The following TH variants were observed in gnomAD, a reference collection of about 807,000 sequenced individuals.
TH encodes the protein tyrosine hydroxylase.
A neutral mutation model predicts 57.4 loss-of-function variants in TH; 49 were observed. The ratio of observed to expected loss-of-function variants is 0.85; its 90% CI spans 0.68 to 1.08. The LOEUF is 1.08. TH is among the 50% of genes least tolerant of loss of function. The probability of loss-of-function intolerance (pLI) is 0.00; values close to 1 mark genes in which losing one functional copy is unlikely to be tolerated. For synonymous variants in TH, 330 were observed against 304.5 expected, an observed-to-expected ratio of 1.08 and a Z score of -0.87; for missense variants, 720 against 696.7, an observed-to-expected ratio of 1.03 and a Z score of -0.38.
At position 2,166,494 on chromosome 11, in the gene TH, C is replaced by T; in HGVS notation, c.1033G>A (p.Ala345Thr). The T allele has an allele frequency of 6.3e-7, 1 of 1,593,278 alleles. No individual in the cohort carries two copies. Among genetic ancestry groups the T allele is most frequent in the Non-Finnish European group, 8.5e-7 (1 of 1,175,494 alleles). ...HVPMLADRTF[A>T]QFSQDIGLAS... Reference sequence around the variant, plus strand: ...CCGCGGCGTACCTGCGAGAACTGCGCGAAGGTGCGGTCGGCCAGCATGGGC... The same window carrying T: ...CCGCGGCGTACCTGCGAGAACTGCGTGAAGGTGCGGTCGGCCAGCATGGGC... Residue 345 changes from alanine (A) to threonine (T), a missense_variant, in exon 9 of 13, where the codon GCG (alanine) becomes ACG (threonine). Physicochemically the swap from Ala to Thr is moderately conservative, Grantham distance 58. Transcript: ENST00000352909.
At chr11:2,166,303 G>T in intron 9 of TH, 177 bp downstream of exon 9, 1 of 978,314 alleles carries the variant, frequency 1.0e-6, no homozygotes, top group Admixed American at 2.6e-5. Flanking sequence ...AGCACAGGCC[G>T]TGGGAGGCTC....
intron 10 of TH, 41 bp downstream of exon 10, chr11:2,165,961 C>G (rs1200942771): frequency 6.4e-7 from 1 of 1,551,126 alleles, no homozygotes; most frequent in Non-Finnish European, 8.7e-7. Context: ...TTCAGACCCC[C>G]AAACCCACAC....
At chr11:2,164,453 G>A (rs945283218) in intron 12 of TH, 61 bp from the exon 13 acceptor site, 15 of 1,533,486 alleles carry the variant, frequency 9.8e-6, no homozygotes, top group Non-Finnish European at 1.1e-5. Flanking sequence ...GCCTCCAGGA[G>A]AGGGGAGGCC....
chr11:2,168,616 G>A lies in TH; in HGVS notation c.362C>T (p.Pro121Leu), dbSNP rs760017478. 52 of 1,611,840 alleles carry A rather than the reference G, an allele frequency of 3.2e-5. No individual in the cohort carries two copies. In the Admixed American group the frequency reaches 6.5e-4, roughly 20 times the overall value. The change falls in exon 3 of 13, where the codon CCG becomes CTG. Residue 121 changes from proline to leucine, a missense_variant. Physicochemically the swap from Pro to Leu is moderately conservative, Grantham distance 98 (BLOSUM62 -3). Transcript: ENST00000352909. ...HHLETRPAQR[P>L]RAGGPHLEYF... ...CTCCAGGTGGGGGCCCCCAGCTCGC[G>A]GCCTCTGGGCGGGCCGGGTCTCTAG...
Position 2,164,009 on chromosome 11 carries a change from C to T in TH, c.*224G>A, listed in dbSNP as rs1441654110. 2.5e-6 allele frequency: 1 copy of T among 396,980 alleles called. No individual in the cohort carries two copies. The highest frequency in any genetic ancestry group is 4.4e-5 in the Admixed American group (1 of 22,822). The allele number at this position is 396,980 out of a possible 1,614,324, so 24.6% of individuals were successfully genotyped here. On this transcript the variant is annotated 3_prime_UTR_variant, in exon 13 of 13. Transcript: ENST00000352909. The stretch of plus-strand genomic sequence containing the variant: ...GGAAGGGCGGAGGGCAGTGCAGCAG[C>T]CCCCAGGACCCTGGGAGCCAGGACA...
At position 2,166,906 on chromosome 11, in the gene TH, G is replaced by C. The variant is rs776737582; in HGVS notation, c.822C>G (p.Asp274Glu). 1.2e-6 allele frequency: 2 copies of C among 1,604,926 alleles called. No homozygotes were observed. The highest frequency in any genetic ancestry group is 1.7e-6 in the Non-Finnish European group (2 of 1,176,838). Residue 274 changes from aspartate (D) to glutamate (E), a missense_variant, in exon 7 of 13, where the codon GAC (aspartate) becomes GAG (glutamate). By Grantham distance (45) the Asp-to-Glu change is conservative (BLOSUM62 2). Transcript: ENST00000352909. ...YREDNIPQLE[D>E]VSRFLKERTG... Reference sequence around the variant, plus strand: ...GCACACCCTTCAGGAAGCGGGAGACGTCCTCCAGCTGGGGGATATTGTCTT... The same window carrying C: ...GCACACCCTTCAGGAAGCGGGAGACCTCCTCCAGCTGGGGGATATTGTCTT...
rs1564918085 is a variant in TH at position 2,166,902 on chromosome 11, A to C, written c.826T>G (p.Ser276Ala). ...EDNIPQLEDV[S>A]RFLKERTGFQ... ...CTGGGCACACCCTTCAGGAAGCGGG[A>C]GACGTCCTCCAGCTGGGGGATATTG... is the stretch of plus-strand genomic sequence containing the variant. Residue 276 changes from serine (S) to alanine (A), a missense_variant, in exon 7 of 13, where the codon TCC (serine) becomes GCC (alanine). Coordinates refer to ENST00000352909, the MANE Select transcript of TH (RefSeq NM_000360.4). 2 of 1,605,212 alleles carry C rather than the reference A, an allele frequency of 1.2e-6. No homozygotes were observed. The highest frequency in any genetic ancestry group is 2.2e-5 in the East Asian group (1 of 44,560).
chr11:2,171,099 G>T lies in TH; in HGVS notation c.90+598C>A, dbSNP rs1301526843. Among the ~76,000 whole-genome samples, 1 of 110,690 alleles carries T rather than the reference G, an allele frequency of 9.0e-6. No individual in the cohort carries two copies. Among genetic ancestry groups the T allele is most frequent in the Admixed American group, 8.9e-5 (1 of 11,178 alleles). The allele number at this position is 110,690 out of a possible 152,430, so 72.6% of individuals were successfully genotyped here. A position where few individuals can be genotyped will look rare whatever the true frequency, so the allele number is the denominator to read the frequency against. ...CAGACTCCATGGTGAATGAATGAAT[G>T]AATGAATGAATGAATGAGGGAAATA... On this transcript the variant is annotated intron_variant, in intron 1 of 12. Coordinates refer to ENST00000352909, the MANE Select transcript of TH (RefSeq NM_000360.4). The surrounding 1 kb of genome is among the most constrained non-coding windows in gnomAD (Gnocchi z 8.6).
rs753518753 is a variant in TH at position 2,166,548 on chromosome 11, C to T, written c.979G>A (p.Asp327Asn). Reference protein sequence around the residue: ...ASSPMHSPEPDCCHELLGHVP... With the variant: ...ASSPMHSPEPNCCHELLGHVP... ...TGCCCCAGCAGCTCGTGGCAGCAGT[C>T]CCTGCGCGTAGGAGGGAGAAGGGGG... is the stretch of plus-strand genomic sequence containing the variant. The change falls in exon 9 of 13, where the codon GAC (aspartate) becomes AAC (asparagine). Residue 327 changes from aspartate (D) to asparagine (N), a missense_variant and splice_region_variant. Transcript: ENST00000352909. The T allele has an allele frequency of 6.2e-7, 1 of 1,601,746 alleles. No individual in the cohort carries two copies. The highest frequency in any genetic ancestry group is 1.1e-5 in the South Asian group (1 of 89,462).
chr11:2,165,863 C>T, intron 10 of TH, 100 bp from the exon 11 acceptor site: 3 of 1,518,992 alleles, frequency 2.0e-6, no homozygotes, highest in Non-Finnish European at 2.7e-6. Flanking sequence ...GGAGGCCAGG[C>T]CAGGATGCAG....
rs544593765 is a variant in TH at position 2,166,616 on chromosome 11, C to T, written c.977+17G>A. ...GCACCCCCCACCCTCGGGCTGGCGGCCAGGGCGCGCACTCACGGCTCAGGG... is the reference window on the plus strand; with the variant it reads ...GCACCCCCCACCCTCGGGCTGGCGGTCAGGGCGCGCACTCACGGCTCAGGG... On this transcript the variant is annotated intron_variant, in intron 8 of 12. Transcript: ENST00000352909. 24 of 1,580,922 alleles carry T rather than the reference C, an allele frequency of 1.5e-5. No individual in the cohort carries two copies. The highest frequency in any genetic ancestry group is 2.0e-5 in the Non-Finnish European group (23 of 1,165,066).
intron 12 of TH, among the ~76,000 whole-genome samples, chr11:2,164,715 G>T (rs558843893): frequency 6.6e-6 from 1 of 152,274 alleles, no homozygotes; most frequent in East Asian, 1.9e-4. Flanking sequence ...ACCCCTGTCC[G>T]CTGGACACAT....
chr11:2,168,330 C>A (rs1438125127), intron 3 of TH, 151 bp from the exon 4 acceptor site: 1 of 1,360,580 alleles, frequency 7.3e-7, no homozygotes, highest in East Asian at 2.4e-5. Flanking sequence ...TGGCCCCAGG[C>A]CCGGACACGG....
In TH at chr11:2,170,114, G is replaced by A. The variant is rs1335585651; in HGVS notation, c.91-243C>T. Among the ~76,000 whole-genome samples the A allele has an allele frequency of 1.3e-5, 2 of 152,186 alleles. No individual in the cohort carries two copies. The highest frequency in any genetic ancestry group is 3.9e-4 in the East Asian group (2 of 5,186). On this transcript the variant is annotated intron_variant, in intron 1 of 12. Coordinates refer to ENST00000352909, the MANE Select transcript of TH (RefSeq NM_000360.4). This position sits in a 1 kb window ranked among gnomAD's most constrained non-coding sequence, Gnocchi z 6.0. ...CAGTGGTGGTGGGGGAGGAGTGGGGGCTGGGAAGGTGCTCGCCTGCTCCCC... is the reference window on the plus strand; with the variant it reads ...CAGTGGTGGTGGGGGAGGAGTGGGGACTGGGAAGGTGCTCGCCTGCTCCCC...
chr11:2,171,202 C>T lies in TH; in HGVS notation c.90+495G>A, dbSNP rs1279211197. Among the ~76,000 whole-genome samples the T allele has an allele frequency of 1.3e-5, 2 of 152,050 alleles. No homozygotes were observed. The highest frequency in any genetic ancestry group is 1.9e-4 in the East Asian group (1 of 5,146). On this transcript the variant is annotated intron_variant, in intron 1 of 12. Coordinates refer to ENST00000352909, the MANE Select transcript of TH (RefSeq NM_000360.4). This position sits in a 1 kb window ranked among gnomAD's most constrained non-coding sequence, Gnocchi z 8.6. ...TTTGCCCCCTATTTGCCCAGGACCCCCCACCATGAGCTGCTGCTAGAGCCT... is the reference window on the plus strand; with the variant it reads ...TTTGCCCCCTATTTGCCCAGGACCCTCCACCATGAGCTGCTGCTAGAGCCT...
In TH at chr11:2,168,507, G is replaced by A; in HGVS notation, c.471C>T (p.Ser157=). The A allele has an allele frequency of 6.2e-7, 1 of 1,612,342 alleles. No individual in the cohort carries two copies. ...CCGCCTCACCCTTGGGCCCCGCGGG[G>A]CTGCGCACGTCCTCTGACACCTGGC... ...GVRQVSEDVR[S]PAGPKVPWFP... The change falls in exon 3 of 13, where the codon AGC becomes AGT. Residue 157 remains serine (S), a synonymous_variant. Transcript: ENST00000352909.
In TH at chr11:2,167,421, C is replaced by T. The variant is rs369545292; in HGVS notation, c.695+14G>A. ...CGGGCTCCTCCCCAGCCCCTAGCTG[C>T]ACGGAGGTCTCACCAGGTGGCAATC... On this transcript the variant is annotated intron_variant, in intron 6 of 12. Coordinates refer to ENST00000352909, the MANE Select transcript of TH (RefSeq NM_000360.4). 41 of 1,558,518 alleles carry T rather than the reference C, an allele frequency of 2.6e-5. No individual in the cohort carries two copies. Among genetic ancestry groups the T allele is most frequent in the African/African-American group, 9.5e-5 (7 of 73,772 alleles).
At chr11:2,168,321 G>T (rs1160658004) in intron 3 of TH, 142 bp from the exon 4 acceptor site, 1 of 1,336,834 alleles carries the variant, frequency 7.5e-7, no homozygotes, top group Non-Finnish European at 1.1e-6. Context: ...ATCCTGGAGT[G>T]GCCCCAGGCC....
chr11:2,168,626 CG>C lies in TH; in HGVS notation c.351del (p.Ala118ProfsTer88). The C allele has an allele frequency of 6.2e-7, 1 of 1,609,688 alleles. No individual in the cohort carries two copies. The highest frequency in any genetic ancestry group is 2.2e-5 in the East Asian group (1 of 44,662). On this transcript the variant is annotated frameshift_variant, in exon 3 of 13. Coordinates refer to ENST00000352909, the MANE Select transcript of TH (RefSeq NM_000360.4). LOFTEE classifies it high-confidence loss of function. ...EAKIHHLETR[P>X]AQRPRAGGPH... The stretch of plus-strand genomic sequence containing the variant: ...GGGCCCCCAGCTCGCGGCCTCTGGG[CG>C]GGCCGGGTCTCTAGATGGTGGATTT...
Sources: allele counts gnomAD v4.1 joint callset (sites outside exome capture counted in the v4.1 genomes callset), GRCh38; gene constraint gnomAD v4.1.1; non-coding constraint Gnocchi (gnomAD v3.1); transcripts MANE v1.5; gene names NCBI Gene and HGNC (gene_info 2026-07-23, HGNC 2026-07-21).